The following GRIA4 variants were observed in gnomAD, a reference collection of about 807,000 sequenced individuals.
The protein encoded by GRIA4 is glutamate receptor 4.
In GRIA4, 34 loss-of-function variants were observed where a neutral mutation model predicts 104.0. The ratio of observed to expected loss-of-function variants is 0.33; its 90% CI spans 0.25 to 0.44. The LOEUF is 0.44. Among genes scored for constraint, GRIA4 ranks in the 20% least tolerant of loss-of-function variants. GRIA4 has a pLI of 1.00. For missense variants in GRIA4, 750 were observed against 1,096.5 expected (o/e 0.68, Z 4.46); for synonymous variants, 386 against 381.9 (o/e 1.01, Z -0.13).
Position 105,652,727 on chromosome 11 carries a change from G to GTGTAGCA in GRIA4, c.247+40294_247+40295insGTAGCAT, listed in dbSNP as rs148758236. 9.4e-3 allele frequency among the ~76,000 whole-genome samples: 1,429 copies of GTGTAGCA among 152,136 alleles called. 32 individuals carry two copies. The highest frequency in any genetic ancestry group is 0.033 in the African/African-American group (1,350 of 41,474). On this transcript the variant is annotated intron_variant, in intron 3 of 16. Transcript: ENST00000282499. Reference sequence around the variant, plus strand: ...AATCAATCAATTATGCTACACCATAGTATCCCCTTATCTATAGGGAATACA... The same window carrying GTGTAGCA: ...AATCAATCAATTATGCTACACCATAGTGTAGCATATCCCCTTATCTATAGGGAATACA...
At chr11:105,882,306 C>G (rs1004838581) in intron 5 of GRIA4, among the ~76,000 whole-genome samples, 1 of 152,102 alleles carries the variant, frequency 6.6e-6, no homozygotes, top group Non-Finnish European at 1.5e-5. Flanking sequence ...TTCTAGTGTG[C>G]CACTGCATGT....
chr11:105,637,656 G>A (rs752602720), intron 3 of GRIA4, among the ~76,000 whole-genome samples: 5 of 152,138 alleles, frequency 3.3e-5, no homozygotes, highest in Non-Finnish European at 5.9e-5. Context: ...TTTAGGACAT[G>A]TTTTAGGAGA....
At chr11:105,634,353 CAA>C (rs1267208067) in intron 3 of GRIA4, among the ~76,000 whole-genome samples, 6 of 50,148 alleles carry the variant, frequency 1.2e-4, no homozygotes, top group Admixed American at 2.6e-4. Context: ...TCTCCGTCTC[CAA>C]AAAAAAAAAA....
chr11:105,938,350 T>C (rs1051399163), intron 14 of GRIA4, among the ~76,000 whole-genome samples: 7 of 152,186 alleles, frequency 4.6e-5, no homozygotes, highest in Non-Finnish European at 1.0e-4. Context: ...TTTAGTCTTT[T>C]TTTGGTATTA....
At chr11:105,869,872 A>C (rs1212920318) in intron 5 of GRIA4, among the ~76,000 whole-genome samples, 1 of 152,104 alleles carries the variant, frequency 6.6e-6, no homozygotes, top group Non-Finnish European at 1.5e-5. Flanking sequence ...GATTTTCTCC[A>C]ATCTCATATA....
chr11:105,795,604 G>T (rs868747765), intron 4 of GRIA4, among the ~76,000 whole-genome samples: 1 of 152,082 alleles, frequency 6.6e-6, no homozygotes, highest in Non-Finnish European at 1.5e-5. Context: ...AGCTAGTGAT[G>T]GGTGTTAACA....
intron 5 of GRIA4, among the ~76,000 whole-genome samples, chr11:105,866,478 G>A (rs941180780): frequency 1.3e-5 from 2 of 149,370 alleles, no homozygotes; most frequent in African/African-American, 4.9e-5. Flanking sequence ...CATATGCAGT[G>A]TGTGTATACA....
At chr11:105,972,051 C>G (rs772488022) in intron 15 of GRIA4, 23 bp downstream of exon 15, 5 of 1,421,904 alleles carry the variant, frequency 3.5e-6, no homozygotes, top group Non-Finnish European at 4.0e-6. Flanking sequence ...AGTTCGGGGC[C>G]TCCTCTTGTG....
chr11:105,764,396 T>C (rs1940835666), intron 4 of GRIA4, among the ~76,000 whole-genome samples: 1 of 152,218 alleles, frequency 6.6e-6, no homozygotes, highest in Non-Finnish European at 1.5e-5. Context: ...TGTTAATTCC[T>C]ATTTGCATTT....
chr11:105,919,902 T>C (rs1393757259), intron 11 of GRIA4, among the ~76,000 whole-genome samples: 1 of 152,148 alleles, frequency 6.6e-6, no homozygotes, highest in Non-Finnish European at 1.5e-5. Flanking sequence ...AAATGGAGAA[T>C]TACACAGACA....
chr11:105,698,562 T>A (rs1953369726), intron 3 of GRIA4, among the ~76,000 whole-genome samples: 1 of 152,094 alleles, frequency 6.6e-6, no homozygotes, highest in South Asian at 2.1e-4. Context: ...ACGAAAGGAA[T>A]CAAATCAACG....
chr11:105,869,405 T>C (rs1038972859), intron 5 of GRIA4, among the ~76,000 whole-genome samples: 11 of 152,156 alleles, frequency 7.2e-5, no homozygotes, highest in Non-Finnish European at 8.8e-5. Context: ...TTGATAATTT[T>C]AGAGGTATAA....
At chr11:105,943,641 T>C (rs571264150) in intron 14 of GRIA4, among the ~76,000 whole-genome samples, 2 of 152,258 alleles carry the variant, frequency 1.3e-5, no homozygotes, top group South Asian at 4.1e-4. Context: ...CATGAAGACT[T>C]CACAGCCACT....
At chr11:105,703,751 C>A (rs1953590896) in intron 3 of GRIA4, among the ~76,000 whole-genome samples, 1 of 152,036 alleles carries the variant, frequency 6.6e-6, no homozygotes, top group Admixed American at 6.6e-5. Flanking sequence ...GCTAAACTGT[C>A]AAACCTATGA....
chr11:105,774,975 G>A (rs185941560), intron 4 of GRIA4, among the ~76,000 whole-genome samples: 3 of 152,126 alleles, frequency 2.0e-5, no homozygotes, highest in Admixed American at 6.6e-5. Flanking sequence ...AATTAGTTTC[G>A]CTAGGCTAAA....
chr11:105,965,889 C>T, intron 14 of GRIA4: 1 of 1,192,060 alleles, frequency 8.4e-7, no homozygotes. Context: ...AGTCCTCATT[C>T]CTTCTAACAT....
chr11:105,730,572 CA>C (rs1432051697), intron 3 of GRIA4, among the ~76,000 whole-genome samples: 4 of 152,146 alleles, frequency 2.6e-5, no homozygotes, highest in African/African-American at 9.7e-5. Flanking sequence ...ATAGCCAAGA[CA>C]ATCCAAAGCA....
chr11:105,953,759 A>T (rs981687653), intron 14 of GRIA4, among the ~76,000 whole-genome samples: 1 of 152,152 alleles, frequency 6.6e-6, no homozygotes, highest in Non-Finnish European at 1.5e-5. Flanking sequence ...TAAAATAAAT[A>T]TGTAGCATGA....
At chr11:105,920,764 C>A (rs1947536232) in intron 11 of GRIA4, among the ~76,000 whole-genome samples, 1 of 152,118 alleles carries the variant, frequency 6.6e-6, no homozygotes, top group African/African-American at 2.4e-5. Context: ...TATTCATATT[C>A]ATTCCTCAGC....
Sources: allele counts gnomAD v4.1 joint callset (sites outside exome capture counted in the v4.1 genomes callset), GRCh38; gene constraint gnomAD v4.1.1; transcripts MANE v1.5; gene names NCBI Gene and HGNC (gene_info 2026-07-23, HGNC 2026-07-21).